Variants in LPP observed in about 807,000 individuals in gnomAD.
LPP encodes the protein lipoma-preferred partner.
Under a neutral mutation model 60.4 loss-of-function variants are expected in LPP, and 38 were observed. That is an observed-to-expected ratio of 0.63 (90% CI 0.49 to 0.83). The LOEUF (loss-of-function observed/expected upper bound fraction) is 0.83, where lower values mean the gene tolerates loss of function less well. Ranked by LOEUF, LPP falls within the 40% of genes least tolerant of loss-of-function variation. The pLI, the probability that LPP is intolerant of heterozygous loss-of-function variation, is 0.00. For synonymous variants in LPP, 328 were observed against 290.8 expected, an observed-to-expected ratio of 1.13 and a Z score of -1.30; for missense variants, 902 against 783.6, an observed-to-expected ratio of 1.15 and a Z score of -1.80.
At chr3:188,737,421 A>G (rs1349371474) in intron 8 of LPP, among the ~76,000 whole-genome samples, 2 of 152,198 alleles carry the variant, frequency 1.3e-5, no homozygotes, top group Admixed American at 6.5e-5. Flanking sequence ...TGGGCCTGTC[A>G]ACCCTGGTAG....
At chr3:188,540,220 G>A (rs1824780690) in intron 6 of LPP, among the ~76,000 whole-genome samples, 1 of 152,116 alleles carries the variant, frequency 6.6e-6, no homozygotes, top group South Asian at 2.1e-4. Context: ...TGTGGAATTA[G>A]ATGATCTCTC....
At chr3:188,672,185 G>A (rs1857083429) in intron 7 of LPP, among the ~76,000 whole-genome samples, 1 of 152,120 alleles carries the variant, frequency 6.6e-6, no homozygotes, top group African/African-American at 2.4e-5. Flanking sequence ...ATTCCTGGAA[G>A]ACAAAACTCA....
chr3:188,289,879 A>G (rs79895880), intron 2 of LPP, among the ~76,000 whole-genome samples: 3,036 of 152,298 alleles, frequency 0.02, 50 homozygotes, highest in Non-Finnish European at 0.031. Flanking sequence ...GGATTATAAA[A>G]TCTTTCTCTC....
intron 7 of LPP, among the ~76,000 whole-genome samples, chr3:188,679,560 T>TGCGC (rs1207386010): frequency 1.2e-5 from 1 of 85,588 alleles, no homozygotes; most frequent in African/African-American, 3.6e-5. Context: ...TGTGTGTGTG[T>TGCGC]GTGCGCGCGC....
intron 9 of LPP, among the ~76,000 whole-genome samples, chr3:188,843,654 GGGGGCGCCTGTAGTCCCAGCTACTC>G (rs371228676): frequency 0.021 from 3,099 of 150,982 alleles, 103 homozygotes; most frequent in African/African-American, 0.072. Context: ...GGGCGCAGTG[GGGGGCGCCTGTAGTCCCAGCTACTC>G]GGGAGGCTGA....
chr3:188,820,120 G>C (rs1318328263), intron 9 of LPP, among the ~76,000 whole-genome samples: 1 of 152,166 alleles, frequency 6.6e-6, no homozygotes, highest in East Asian at 1.9e-4. Context: ...TTCTCCCAAG[G>C]AAGTGTGGTA....
At chr3:188,333,785 G>A (rs1222491756) in intron 2 of LPP, among the ~76,000 whole-genome samples, 1 of 152,098 alleles carries the variant, frequency 6.6e-6, no homozygotes, top group Non-Finnish European at 1.5e-5. Flanking sequence ...GGTACAGTGT[G>A]ATATTTTGAT....
intron 1 of LPP, among the ~76,000 whole-genome samples, chr3:188,183,192 G>GTA (rs1350123665): frequency 6.6e-6 from 1 of 152,134 alleles, no homozygotes; most frequent in Admixed American, 6.5e-5. Context: ...AGCTTGATTG[G>GTA]GCAGCTGGGA....
chr3:188,518,960 A>G (rs975162438), intron 5 of LPP, among the ~76,000 whole-genome samples: 6 of 152,060 alleles, frequency 3.9e-5, no homozygotes, highest in African/African-American at 1.4e-4. Context: ...CGAAATGAAT[A>G]CTGAACAAAT....
chr3:188,660,985 T>A (rs1854455091), intron 7 of LPP, among the ~76,000 whole-genome samples: 1 of 152,316 alleles, frequency 6.6e-6, no homozygotes, highest in African/African-American at 2.4e-5. Context: ...AGAATTATCC[T>A]TGCTCTGCCT....
At chr3:188,597,395 C>T (rs767693460) in intron 6 of LPP, among the ~76,000 whole-genome samples, 3 of 152,134 alleles carry the variant, frequency 2.0e-5, no homozygotes, top group Non-Finnish European at 4.4e-5. Flanking sequence ...TGATAAGAAA[C>T]CCCTGAATGA....
intron 2 of LPP, among the ~76,000 whole-genome samples, chr3:188,294,230 G>A (rs1747082548): frequency 6.6e-6 from 1 of 152,104 alleles, no homozygotes; most frequent in Non-Finnish European, 1.5e-5. Flanking sequence ...ATAACTGTGA[G>A]TTTCTTTTTG....
chr3:188,421,408 T>C (rs1315713453), intron 4 of LPP, among the ~76,000 whole-genome samples: 1 of 152,148 alleles, frequency 6.6e-6, no homozygotes, highest in East Asian at 1.9e-4. Flanking sequence ...GCAATTACTC[T>C]ATTCTACCTC....
At chr3:188,645,183 A>G (rs1035321201) in intron 7 of LPP, among the ~76,000 whole-genome samples, 2 of 151,472 alleles carry the variant, frequency 1.3e-5, no homozygotes, top group African/African-American at 4.9e-5. Context: ...GTACTTTTAT[A>G]TTTGAATAAG....
At chr3:188,815,521 T>A (rs1408344146) in intron 9 of LPP, among the ~76,000 whole-genome samples, 3 of 151,410 alleles carry the variant, frequency 2.0e-5, no homozygotes, top group African/African-American at 4.9e-5. Flanking sequence ...AATAGATGAT[T>A]CTATCTCCCT....
intron 8 of LPP, among the ~76,000 whole-genome samples, chr3:188,753,635 T>A (rs2150355289): frequency 6.6e-6 from 1 of 151,830 alleles, no homozygotes; most frequent in South Asian, 2.1e-4. Flanking sequence ...TTGTTTTTTT[T>A]TACTTTACCT....
At chr3:188,733,398 C>T (rs1721361310) in intron 8 of LPP, among the ~76,000 whole-genome samples, 1 of 151,918 alleles carries the variant, frequency 6.6e-6, no homozygotes, top group Admixed American at 6.6e-5. Context: ...AAGAATTCTG[C>T]AATACCCCTG....
intron 8 of LPP, among the ~76,000 whole-genome samples, chr3:188,718,576 T>C (rs761616138): frequency 6.6e-6 from 1 of 152,258 alleles, no homozygotes; most frequent in Non-Finnish European, 1.5e-5. Flanking sequence ...AATTTACTTG[T>C]AATATTTCCT....
chr3:188,252,031 G>GATAT (rs10579787), intron 2 of LPP, among the ~76,000 whole-genome samples: 61 of 41,396 alleles, frequency 1.5e-3, no homozygotes, highest in East Asian at 2.7e-3. Context: ...TTTTAATCCT[G>GATAT]ATATATATAT....
Sources: gnomAD v4.1 joint callset for allele counts (sites outside exome capture counted in the v4.1 genomes callset) on GRCh38, gnomAD v4.1.1 for gene constraint, MANE v1.5 for transcripts, NCBI Gene and HGNC (gene_info 2026-07-23, HGNC 2026-07-21) for gene names.